The following NME7 variants were observed in gnomAD, a reference collection of about 807,000 sequenced individuals.
NME7 encodes nucleoside diphosphate kinase 7.
NME7 carries 41 observed loss-of-function variants against 49.1 expected under a neutral mutation model. The observed-to-expected ratio is 0.83, with a 90% CI of 0.65 to 1.08. The LOEUF (loss-of-function observed/expected upper bound fraction) is 1.08, where lower values mean the gene tolerates loss of function less well. NME7 is among the 50% of genes least tolerant of loss of function. The pLI, the probability that NME7 is intolerant of heterozygous loss-of-function variation, is 0.00. For synonymous variants in NME7, 139 were observed against 150.6 expected (o/e 0.92, Z 0.56); for missense variants, 423 against 463.4 (o/e 0.91, Z 0.80).
chr1:169,151,337 G>A (rs1295865219), intron 11 of NME7, among the ~76,000 whole-genome samples: 1 of 152,158 alleles, frequency 6.6e-6, no homozygotes, highest in African/African-American at 2.4e-5. Context: ...AGGATGGAGT[G>A]GGAGATCAGG....
At chr1:169,287,670 G>A (rs1650330921) in intron 6 of NME7, among the ~76,000 whole-genome samples, 1 of 151,770 alleles carries the variant, frequency 6.6e-6, no homozygotes, top group Non-Finnish European at 1.5e-5. Flanking sequence ...GGAATATAGT[G>A]GACAAAGATT....
intron 1 of NME7, among the ~76,000 whole-genome samples, chr1:169,355,964 G>C (rs976493472): frequency 6.6e-6 from 1 of 152,086 alleles, no homozygotes; most frequent in Admixed American, 6.6e-5. Context: ...GAATAAAAGA[G>C]TCCACTGTTT....
chr1:169,352,408 G>C (rs543388597), intron 1 of NME7, among the ~76,000 whole-genome samples: 1 of 152,014 alleles, frequency 6.6e-6, no homozygotes, highest in South Asian at 2.1e-4. Context: ...CAAAAAATTG[G>C]ATATAGAAGG....
chr1:169,224,498 A>G (rs1275987257), intron 10 of NME7, among the ~76,000 whole-genome samples: 1 of 152,084 alleles, frequency 6.6e-6, no homozygotes, highest in Non-Finnish European at 1.5e-5. Flanking sequence ...GGATATTCAT[A>G]TATGTATATA....
chr1:169,332,445 G>C (rs1652292850), intron 1 of NME7, among the ~76,000 whole-genome samples: 2 of 152,058 alleles, frequency 1.3e-5, no homozygotes, highest in Non-Finnish European at 2.9e-5. Flanking sequence ...ACAAACATAG[G>C]CAATCAAAGC....
At chr1:169,283,051 A>C (rs1051904334) in intron 7 of NME7, among the ~76,000 whole-genome samples, 1 of 152,076 alleles carries the variant, frequency 6.6e-6, no homozygotes, top group African/African-American at 2.4e-5. Context: ...TGGGGTGTTA[A>C]ATTCTCCCAC....
chr1:169,165,064 C>A (rs1212555223), intron 11 of NME7, among the ~76,000 whole-genome samples: 1 of 151,684 alleles, frequency 6.6e-6, no homozygotes, highest in Non-Finnish European at 1.5e-5. Context: ...TATAAGAGAA[C>A]ATTAACAGTG....
At position 169,274,310 on chromosome 1, in the gene NME7, G is replaced by T. The variant is rs1377209328; in HGVS notation, c.754+12993C>A. ...TATTCTTTGTCCACTTTTTGATGGG[G>T]TTGTTTGTTTTTTTCTTGTAAATTT... On this transcript the variant is annotated intron_variant, in intron 7 of 11. Transcript: ENST00000367811. 1.1e-4 allele frequency among the ~76,000 whole-genome samples: 14 copies of T among 133,086 alleles called. 1 individual carries two copies. The highest frequency in any genetic ancestry group is 3.6e-4 in the African/African-American group (14 of 39,046). 87.3% of individuals were successfully genotyped at this position (133,086 alleles called of 152,430 possible).
At chr1:169,146,773 C>G (rs1397539033) in intron 11 of NME7, among the ~76,000 whole-genome samples, 5 of 152,174 alleles carry the variant, frequency 3.3e-5, no homozygotes, top group African/African-American at 7.2e-5. Flanking sequence ...GACATGGCCC[C>G]TGCCCTCAAG....
intron 11 of NME7, among the ~76,000 whole-genome samples, chr1:169,156,096 T>C (rs779451460): frequency 1.9e-4 from 28 of 147,442 alleles, no homozygotes; most frequent in African/African-American, 4.3e-4. Context: ...GGTGGGACGA[T>C]TGCTTGAGCC....
intron 1 of NME7, among the ~76,000 whole-genome samples, chr1:169,327,279 A>C (rs1406080145): frequency 1.3e-5 from 2 of 152,232 alleles, no homozygotes; most frequent in Non-Finnish European, 2.9e-5. Flanking sequence ...AACTTCTATC[A>C]AAAGTACTTT....
At chr1:169,196,780 A>T (rs1182402591) in intron 10 of NME7, among the ~76,000 whole-genome samples, 2 of 152,170 alleles carry the variant, frequency 1.3e-5, no homozygotes, top group African/African-American at 4.8e-5. Flanking sequence ...ACATAACATG[A>T]GGCTCTGTCA....
At chr1:169,135,886 A>G (rs1015653743) in intron 11 of NME7, among the ~76,000 whole-genome samples, 1 of 152,060 alleles carries the variant, frequency 6.6e-6, no homozygotes. Context: ...TCATTTAGTC[A>G]CAAAGGCATC....
At position 169,275,737 on chromosome 1, in the gene NME7, TGA is replaced by T. The variant is rs1210488027; in HGVS notation, c.754+11564_754+11565del. Among the ~76,000 whole-genome samples, 2 of 132,542 alleles carry T rather than the reference TGA, an allele frequency of 1.5e-5. 1 individual carries two copies. The allele number at this position is 132,542 out of a possible 152,430, so 87.0% of individuals were successfully genotyped here. On this transcript the variant is annotated intron_variant, in intron 7 of 11. Coordinates refer to ENST00000367811, the MANE Select transcript of NME7 (RefSeq NM_013330.5). ...CCAACACTATGTTGAATAGGAGTGG[TGA>T]GAGAGGGCATCCCTGTCCTGTGCCA...
At chr1:169,287,652 T>G (rs1402372635) in intron 6 of NME7, among the ~76,000 whole-genome samples, 1 of 152,196 alleles carries the variant, frequency 6.6e-6, no homozygotes, top group Non-Finnish European at 1.5e-5. Flanking sequence ...ATGTGTCATT[T>G]TGTTCCAGGA....
intron 6 of NME7, among the ~76,000 whole-genome samples, chr1:169,295,163 C>CAGGA (rs1465918596): frequency 6.6e-6 from 1 of 152,124 alleles, no homozygotes; most frequent in Non-Finnish European, 1.5e-5. Flanking sequence ...TCCCAGCCAT[C>CAGGA]AGGACTATGA....
Position 169,214,258 on chromosome 1 carries a change from A to T in NME7, c.990+16460T>A, listed in dbSNP as rs76333452. On this transcript the variant is annotated intron_variant, in intron 10 of 11. Transcript: ENST00000367811. The stretch of plus-strand genomic sequence containing the variant: ...AGTAGACATCCAAGAAAAAAGTCTC[A>T]ATATTGATCTCCATTGTTAGCCCCT... Among the ~76,000 whole-genome samples, 149 of 152,326 alleles carry T rather than the reference A, an allele frequency of 9.8e-4. 3 individuals are homozygous for T. In the East Asian group the frequency reaches 0.026, roughly 27 times the overall value.
intron 11 of NME7, among the ~76,000 whole-genome samples, chr1:169,135,239 T>C (rs1410444410): frequency 6.6e-6 from 1 of 151,886 alleles, no homozygotes; most frequent in African/African-American, 2.4e-5. Flanking sequence ...TTTAGAACAA[T>C]AGCATGCCCT....
chr1:169,212,365 C>T (rs1660850274), intron 10 of NME7, among the ~76,000 whole-genome samples: 1 of 152,010 alleles, frequency 6.6e-6, no homozygotes, highest in Admixed American at 6.6e-5. Flanking sequence ...TATAGTCAAT[C>T]CCCACTGTTT....
Sources: gnomAD v4.1 joint callset for allele counts (sites outside exome capture counted in the v4.1 genomes callset) on GRCh38, gnomAD v4.1.1 for gene constraint, MANE v1.5 for transcripts, NCBI Gene and HGNC (gene_info 2026-07-23, HGNC 2026-07-21) for gene names.